The following UBR3 variants were observed in gnomAD, a reference collection of about 807,000 sequenced individuals.
UBR3 encodes ubiquitin protein ligase E3 component n-recognin 3.
UBR3 carries 85 observed loss-of-function variants against 243.2 expected under a neutral mutation model. The observed-to-expected ratio is 0.35, with a 90% CI of 0.29 to 0.42. The LOEUF (loss-of-function observed/expected upper bound fraction) is 0.42, where lower values mean the gene tolerates loss of function less well. Among genes scored for constraint, UBR3 ranks in the 10% least tolerant of loss-of-function variants. The pLI is 1.00. For synonymous variants in UBR3, 748 were observed against 799.8 expected, an observed-to-expected ratio of 0.94 and a Z score of 1.09; for missense variants, 1,686 against 2,300.8, an observed-to-expected ratio of 0.73 and a Z score of 5.47.
intron 24 of UBR3, among the ~76,000 whole-genome samples, chr2:169,974,155 G>GT (rs1213740302): frequency 2.0e-5 from 3 of 152,074 alleles, no homozygotes; most frequent in African/African-American, 7.2e-5. Context: ...GTCTTTGTCT[G>GT]GTTTTTGTAT....
chr2:169,857,599 T>A (rs1345904830), intron 1 of UBR3, among the ~76,000 whole-genome samples: 1 of 151,316 alleles, frequency 6.6e-6, no homozygotes, highest in Non-Finnish European at 1.5e-5. Context: ...TTTTTTTTTT[T>A]TATTTTTAGT....
intron 27 of UBR3, among the ~76,000 whole-genome samples, chr2:170,005,338 A>C (rs906737558): frequency 6.6e-6 from 1 of 152,188 alleles, no homozygotes; most frequent in East Asian, 1.9e-4. Context: ...TTGAGGTTGG[A>C]AACAGTTTGT....
intron 31 of UBR3, among the ~76,000 whole-genome samples, chr2:170,031,803 G>A (rs76572730): frequency 0.14 from 20,967 of 151,970 alleles, 1,972 homozygotes; most frequent in East Asian, 0.43. Context: ...GCATTAATTC[G>A]CTTAGGATCA....
At chr2:169,939,771 C>T (rs781083763) in intron 19 of UBR3, among the ~76,000 whole-genome samples, 1 of 151,236 alleles carries the variant, frequency 6.6e-6, no homozygotes, top group Non-Finnish European at 1.5e-5. Context: ...ATCATGTTGC[C>T]CAGGCTGGTC....
intron 31 of UBR3, among the ~76,000 whole-genome samples, chr2:170,035,276 A>G (rs979266470): frequency 1.3e-5 from 2 of 151,986 alleles, no homozygotes; most frequent in Admixed American, 1.3e-4. Flanking sequence ...GTTTTCTCCT[A>G]TAAGAATTTT....
At chr2:169,839,197 A>G (rs2082209698) in intron 1 of UBR3, among the ~76,000 whole-genome samples, 1 of 152,246 alleles carries the variant, frequency 6.6e-6, no homozygotes, top group South Asian at 2.1e-4. Flanking sequence ...CACAAAAATA[A>G]TGAAATCTTG....
rs1050935514 is a variant in UBR3 at position 170,006,924 on chromosome 2, G to A, written c.4030-66G>A. On this transcript the variant is annotated intron_variant, in intron 27 of 38. Transcript: ENST00000272793. ...GGTTTATTAATTTACTATAAAATGG[G>A]TGGTATAATTTTTGTTTTCTATGAA... The A allele has an allele frequency of 7.7e-6, 10 of 1,302,784 alleles. No homozygotes were observed. The African/African-American group carries it at 1.3e-4, about 17-fold the overall frequency. The allele number at this position is 1,302,784 out of a possible 1,614,324, so 80.7% of individuals were successfully genotyped here. A position where few individuals can be genotyped will look rare whatever the true frequency, so the allele number is the denominator to read the frequency against.
intron 27 of UBR3, 151 bp downstream of exon 27, chr2:170,001,565 T>C (rs1335856947): frequency 1.8e-6 from 1 of 570,314 alleles, no homozygotes; most frequent in Non-Finnish European, 3.1e-6. Context: ...ACAGACCTGT[T>C]CAACTTCAAG....
intron 36 of UBR3, among the ~76,000 whole-genome samples, chr2:170,078,915 A>G (rs141921877): frequency 3.2e-4 from 49 of 152,260 alleles, no homozygotes; most frequent in African/African-American, 1.1e-3. Context: ...CAAATGATGT[A>G]TTGTATACTG....
chr2:170,068,249 T>TC (rs2091620926), intron 35 of UBR3, among the ~76,000 whole-genome samples: 1 of 152,054 alleles, frequency 6.6e-6, no homozygotes, highest in Non-Finnish European at 1.5e-5. Context: ...GGCGGGCAGA[T>TC]CACGAGGTCA....
intron 1 of UBR3, among the ~76,000 whole-genome samples, chr2:169,830,532 A>G (rs564701410): frequency 2.0e-5 from 3 of 152,362 alleles, no homozygotes; most frequent in East Asian, 3.9e-4. Context: ...AAGTTCACAC[A>G]GGCAGTAAGC....
chr2:170,005,237 C>CA (rs921185354), intron 27 of UBR3, among the ~76,000 whole-genome samples: 2 of 151,982 alleles, frequency 1.3e-5, no homozygotes, highest in Non-Finnish European at 2.9e-5. Flanking sequence ...CAAAACAAAA[C>CA]AAAAAAACCG....
At chr2:169,988,448 A>G (rs1486474851) in intron 25 of UBR3, among the ~76,000 whole-genome samples, 1 of 152,196 alleles carries the variant, frequency 6.6e-6, no homozygotes, top group African/African-American at 2.4e-5. Flanking sequence ...AGACCAATAA[A>G]TATTAAACAA....
Position 169,977,112 on chromosome 2 carries a change from T to C in UBR3, c.3635-9533T>C, listed in dbSNP as rs866104539. On this transcript the variant is annotated intron_variant, in intron 24 of 38. Coordinates refer to ENST00000272793, the MANE Select transcript of UBR3 (RefSeq NM_172070.4). ...ATCTGTCTCTTTGTTGAATTTCTTA[T>C]GCATAAGAAATTTTCCTGATTCTAT... 1.2e-4 allele frequency among the ~76,000 whole-genome samples: 18 copies of C among 152,298 alleles called. 1 individual carries two copies. The Middle Eastern group carries it at 0.01, about 86-fold the overall frequency.
chr2:169,907,732 C>A (rs1328837452), intron 10 of UBR3, among the ~76,000 whole-genome samples: 4 of 151,584 alleles, frequency 2.6e-5, no homozygotes, highest in Admixed American at 2.6e-4. Context: ...CACAAGTTGC[C>A]CTCAACTTGT....
intron 3 of UBR3, 140 bp downstream of exon 3, chr2:169,876,089 T>TC (rs2083593599): frequency 3.9e-6 from 3 of 775,332 alleles, no homozygotes; most frequent in Non-Finnish European, 5.4e-6. Context: ...AACTTCTTTT[T>TC]TTTTTTTTTT....
chr2:170,005,293 A>G (rs2089873248), intron 27 of UBR3, among the ~76,000 whole-genome samples: 1 of 152,236 alleles, frequency 6.6e-6, no homozygotes, highest in South Asian at 2.1e-4. Flanking sequence ...CCTAGGATGT[A>G]GAGAAAGAGT....
In UBR3 at chr2:169,856,247, A is replaced by G. The variant is rs2082854770; in HGVS notation, c.546-15989A>G. Reference sequence around the variant, plus strand: ...CACATCCCAGATGGGGCGGCGGGGCAGAGGCTCTTCCCATATCCCAGACGA... The same window carrying G: ...CACATCCCAGATGGGGCGGCGGGGCGGAGGCTCTTCCCATATCCCAGACGA... On this transcript the variant is annotated intron_variant, in intron 1 of 38. Transcript: ENST00000272793. Among the ~76,000 whole-genome samples, 4 of 148,078 alleles carry G rather than the reference A, an allele frequency of 2.7e-5. No individual in the cohort carries two copies. In the South Asian group the frequency reaches 8.7e-4, roughly 32 times the overall value.
At chr2:169,943,329 G>A (rs1158654974) in intron 20 of UBR3, among the ~76,000 whole-genome samples, 1 of 152,118 alleles carries the variant, frequency 6.6e-6, no homozygotes, top group Non-Finnish European at 1.5e-5. Flanking sequence ...AAGGCTGGGC[G>A]CGGTGGCTCA....
Sources: gnomAD v4.1 joint callset for allele counts (sites outside exome capture counted in the v4.1 genomes callset) on GRCh38, gnomAD v4.1.1 for gene constraint, MANE v1.5 for transcripts, NCBI Gene and HGNC (gene_info 2026-07-23, HGNC 2026-07-21) for gene names.